The following GPC5 variants were observed in gnomAD, a reference collection of about 807,000 sequenced individuals.
The protein encoded by GPC5 is glypican-5.
A neutral mutation model predicts 53.9 loss-of-function variants in GPC5; 47 were observed. That is an observed-to-expected ratio of 0.87 (90% confidence interval 0.69 to 1.11). The LOEUF (loss-of-function observed/expected upper bound fraction) is 1.11. GPC5 is among the 50% of genes most tolerant of loss of function. GPC5 has a pLI of 0.00. For missense variants in GPC5, 748 were observed against 713.1 expected (o/e 1.05, Z -0.56); for synonymous variants, 286 against 263.3 (o/e 1.09, Z -0.84).
chr13:92,392,041 C>T (rs1458673894), intron 7 of GPC5, among the ~76,000 whole-genome samples: 1 of 152,068 alleles, frequency 6.6e-6, no homozygotes, highest in Non-Finnish European at 1.5e-5. Context: ...AGATATGTGG[C>T]CTGTTCTATA....
At chr13:92,677,192 G>T (rs1365269688) in intron 7 of GPC5, among the ~76,000 whole-genome samples, 1 of 151,904 alleles carries the variant, frequency 6.6e-6, no homozygotes, top group Admixed American at 6.6e-5. Context: ...CAGTTGCTTA[G>T]CCCTCATATT....
At chr13:92,839,160 AAG>A (rs1249283819) in intron 7 of GPC5, among the ~76,000 whole-genome samples, 1 of 152,242 alleles carries the variant, frequency 6.6e-6, no homozygotes, top group African/African-American at 2.4e-5. Context: ...GACCAATTGT[AAG>A]AGAAATTAAT....
intron 6 of GPC5, among the ~76,000 whole-genome samples, chr13:92,045,456 C>A (rs1467105746): frequency 6.6e-6 from 1 of 152,064 alleles, no homozygotes; most frequent in Admixed American, 6.5e-5. Flanking sequence ...CCTAAACTTT[C>A]CCTGGGATAT....
At chr13:91,418,159 C>A (rs1189788357) in intron 1 of GPC5, among the ~76,000 whole-genome samples, 1 of 152,022 alleles carries the variant, frequency 6.6e-6, no homozygotes, top group Non-Finnish European at 1.5e-5. Context: ...TAAAACATGT[C>A]ATATATAGAG....
At chr13:91,418,062 A>G (rs1396983326) in intron 1 of GPC5, among the ~76,000 whole-genome samples, 1 of 152,120 alleles carries the variant, frequency 6.6e-6, no homozygotes, top group Admixed American at 6.6e-5. Context: ...TGCCTGGGAC[A>G]TGAATTGTCC....
intron 2 of GPC5, among the ~76,000 whole-genome samples, chr13:91,476,369 A>G (rs1221533153): frequency 2.6e-5 from 4 of 152,230 alleles, no homozygotes; most frequent in African/African-American, 9.6e-5. Flanking sequence ...CAGAAAGGCT[A>G]CTTCACCCAG....
At chr13:91,412,187 G>A (rs115696212) in intron 1 of GPC5, among the ~76,000 whole-genome samples, 80 of 152,326 alleles carry the variant, frequency 5.3e-4, no homozygotes, top group African/African-American at 1.8e-3. Flanking sequence ...TTTCACAAAT[G>A]CCTTTGTGAA....
At chr13:91,955,454 G>C (rs200966099) in intron 6 of GPC5, among the ~76,000 whole-genome samples, 3 of 152,308 alleles carry the variant, frequency 2.0e-5, no homozygotes, top group East Asian at 3.9e-4. Context: ...GACGATGTAA[G>C]AGAAAATGCT....
chr13:92,477,539 G>A (rs2139429330), intron 7 of GPC5, among the ~76,000 whole-genome samples: 1 of 152,182 alleles, frequency 6.6e-6, no homozygotes, highest in Non-Finnish European at 1.5e-5. Context: ...ACGCTTAATT[G>A]TTATTTTCTT....
intron 6 of GPC5, among the ~76,000 whole-genome samples, chr13:92,127,764 C>G (rs538996837): frequency 6.6e-6 from 1 of 152,048 alleles, no homozygotes; most frequent in East Asian, 1.9e-4. Context: ...TATTTAACCA[C>G]GAAGTTTTCT....
At chr13:92,306,483 G>T (rs974065284) in intron 7 of GPC5, among the ~76,000 whole-genome samples, 2 of 152,142 alleles carry the variant, frequency 1.3e-5, no homozygotes, top group South Asian at 4.2e-4. Context: ...TCAAGAGAAG[G>T]CTTCCCATTG....
At chr13:91,520,827 A>G (rs1196802163) in intron 2 of GPC5, among the ~76,000 whole-genome samples, 1 of 152,034 alleles carries the variant, frequency 6.6e-6, no homozygotes, top group African/African-American at 2.4e-5. Context: ...ATCTGTCAAC[A>G]CTTGCTAAAC....
At chr13:92,836,857 T>C (rs1370897654) in intron 7 of GPC5, among the ~76,000 whole-genome samples, 1 of 152,134 alleles carries the variant, frequency 6.6e-6, no homozygotes, top group Admixed American at 6.5e-5. Flanking sequence ...CAAATCTCTT[T>C]TGGAAAGTAA....
chr13:92,671,931 T>C (rs1380585891), intron 7 of GPC5, among the ~76,000 whole-genome samples: 1 of 152,168 alleles, frequency 6.6e-6, no homozygotes. Context: ...GTTGACATTA[T>C]CTTAAAGTGT....
chr13:92,824,790 A>G (rs549278001), intron 7 of GPC5, among the ~76,000 whole-genome samples: 2 of 152,142 alleles, frequency 1.3e-5, no homozygotes, highest in South Asian at 4.1e-4. Flanking sequence ...TACTCCTTAT[A>G]GTAAACAATC....
intron 7 of GPC5, among the ~76,000 whole-genome samples, chr13:92,848,469 T>A (rs1002813193): frequency 6.6e-6 from 1 of 152,148 alleles, no homozygotes; most frequent in Non-Finnish European, 1.5e-5. Context: ...AACCACTTAC[T>A]AAATGTAGGG....
At chr13:91,460,667 A>G (rs1881873841) in intron 2 of GPC5, among the ~76,000 whole-genome samples, 1 of 152,118 alleles carries the variant, frequency 6.6e-6, no homozygotes. Flanking sequence ...AAGTGACATT[A>G]CTGTCAAATT....
intron 6 of GPC5, among the ~76,000 whole-genome samples, chr13:91,974,328 T>C (rs2040275643): frequency 6.6e-6 from 1 of 152,128 alleles, no homozygotes; most frequent in Admixed American, 6.5e-5. Context: ...GAAGTCAAAT[T>C]GTCCCTGTTT....
At chr13:92,783,046 CAT>C (rs1876089322) in intron 7 of GPC5, among the ~76,000 whole-genome samples, 2 of 152,172 alleles carry the variant, frequency 1.3e-5, no homozygotes, top group Admixed American at 1.3e-4. Context: ...AATATTCTCA[CAT>C]ATTGCTAGTT....
Sources: gnomAD v4.1 joint callset for allele counts (sites outside exome capture counted in the v4.1 genomes callset) on GRCh38, gnomAD v4.1.1 for gene constraint, MANE v1.5 for transcripts, NCBI Gene and HGNC (gene_info 2026-07-23, HGNC 2026-07-21) for gene names.